Variants in SOCS7 observed in about 807,000 individuals in gnomAD.
SOCS7 encodes NAP-4.
Under a neutral mutation model 58.9 loss-of-function variants are expected in SOCS7, and 18 were observed. That is an observed-to-expected ratio of 0.31 (90% CI 0.21 to 0.45). The LOEUF (loss-of-function observed/expected upper bound fraction) is 0.45, where lower values mean the gene tolerates loss of function less well. Among genes scored for constraint, SOCS7 ranks in the 20% least tolerant of loss-of-function variants. SOCS7 has a pLI of 1.00. For synonymous variants in SOCS7, 388 were observed against 364.3 expected, an observed-to-expected ratio of 1.06 and a Z score of -0.74; for missense variants, 667 against 837.3, an observed-to-expected ratio of 0.80 and a Z score of 2.51.
intron 5 of SOCS7, among the ~76,000 whole-genome samples, 153 bp downstream of exon 5, chr17:38,366,570 C>G (rs1555568388): frequency 6.6e-6 from 1 of 152,228 alleles, no homozygotes; most frequent in Non-Finnish European, 1.5e-5. Flanking sequence ...TCATAGCTCA[C>G]TGTAGGCTCA....
At chr17:38,398,889 G>T (rs1056075752) in intron 9 of SOCS7, among the ~76,000 whole-genome samples, 33 of 152,126 alleles carry the variant, frequency 2.2e-4, no homozygotes, top group Admixed American at 1.3e-3. Context: ...TCAGGAGTTT[G>T]AGACCAGCCT....
At chr17:38,397,290 C>T (rs929557991) in intron 9 of SOCS7, among the ~76,000 whole-genome samples, 8 of 152,230 alleles carry the variant, frequency 5.3e-5, no homozygotes, top group African/African-American at 7.2e-5. Flanking sequence ...TTCAGCATTA[C>T]GCTTATTCTT....
chr17:38,370,749 C>G (rs2037852658), intron 6 of SOCS7, among the ~76,000 whole-genome samples: 1 of 150,994 alleles, frequency 6.6e-6, no homozygotes, highest in Non-Finnish European at 1.5e-5. Flanking sequence ...CTTCCAGGTT[C>G]GAGCTATTCT....
In SOCS7 at chr17:38,387,133, G is replaced by GTGTATATATATA. The variant is rs1269515665; in HGVS notation, c.1682-8175_1682-8174insGTATATATATAT. 2.1e-3 allele frequency among the ~76,000 whole-genome samples: 151 copies of GTGTATATATATA among 73,480 alleles called. 11 individuals are homozygous for GTGTATATATATA. Among genetic ancestry groups the GTGTATATATATA allele is most frequent in the African/African-American group, 0.01 (149 of 14,276 alleles). The allele number at this position is 73,480 out of a possible 152,430, so 48.2% of individuals were successfully genotyped here. A position where few individuals can be genotyped will look rare whatever the true frequency, so the allele number is the denominator to read the frequency against. ...TATATATATATATATATATATGTAT[G>GTGTATATATATA]TATATATATATATATATATGATTAA... On this transcript the variant is annotated intron_variant, in intron 7 of 9. Transcript: ENST00000612932.
chr17:38,404,147 CAA>C lies in SOCS7; in HGVS notation c.*4667_*4668del, dbSNP rs2038359291. 1 of 152,082 alleles carries C rather than the reference CAA, an allele frequency of 6.6e-6. No individual in the cohort carries two copies. The highest frequency in any genetic ancestry group is 2.1e-4 in the South Asian group (1 of 4,818). The allele number at this position is 152,082 out of a possible 1,614,324, so 9.4% of individuals were successfully genotyped here. A position where few individuals can be genotyped will look rare whatever the true frequency, so the allele number is the denominator to read the frequency against. On this transcript the variant is annotated 3_prime_UTR_variant, in exon 10 of 10. Transcript: ENST00000612932. ...TTGGAGGCCTTGATAAAATGGAGAG[CAA>C]AGTCTTGGGAGCAGTGAAATGGGGG...
intron 4 of SOCS7, chr17:38,365,832 G>A (rs1555568236): frequency 1.2e-5 from 3 of 244,538 alleles, no homozygotes; most frequent in Admixed American, 1.2e-4. Context: ...GCCCATACCT[G>A]CTTTGCCAGC....
intron 7 of SOCS7, among the ~76,000 whole-genome samples, chr17:38,380,835 G>A (rs1228589346): frequency 6.6e-6 from 1 of 151,676 alleles, no homozygotes; most frequent in Admixed American, 6.6e-5. Context: ...CTTCAGTCTG[G>A]GTGACAGAGG....
intron 7 of SOCS7, among the ~76,000 whole-genome samples, chr17:38,383,518 C>A (rs1391524295): frequency 2.0e-5 from 3 of 152,086 alleles, no homozygotes; most frequent in Non-Finnish European, 4.4e-5. Context: ...TCTTACCTGT[C>A]TGATTGCCAG....
At chr17:38,389,900 C>CATAAATAT in intron 7 of SOCS7, among the ~76,000 whole-genome samples, 1 of 20,184 alleles carries the variant, frequency 5.0e-5, no homozygotes, top group Non-Finnish European at 9.8e-5. Flanking sequence ...TATATATATA[C>CATAAATAT]ACATATAGAG....
intron 7 of SOCS7, among the ~76,000 whole-genome samples, chr17:38,387,121 A>ATGTGTGTG (rs2038082379): frequency 8.2e-5 from 9 of 109,476 alleles, no homozygotes; most frequent in South Asian, 2.7e-4. Context: ...ATATATATAT[A>ATGTGTGTG]TATATATGTA....
At chr17:38,372,425 G>A (rs180942198) in intron 6 of SOCS7, among the ~76,000 whole-genome samples, 54 of 152,336 alleles carry the variant, frequency 3.5e-4, no homozygotes, top group Admixed American at 7.2e-4. Flanking sequence ...GTTACATACT[G>A]GGTGTACTAC....
intron 9 of SOCS7, among the ~76,000 whole-genome samples, chr17:38,396,482 A>AT (rs1597715512): frequency 6.6e-6 from 1 of 152,336 alleles, no homozygotes; most frequent in African/African-American, 2.4e-5. Flanking sequence ...AGACTCCACC[A>AT]TGTCCCACAG....
rs1296810887 is a variant in SOCS7 at position 38,354,381 on chromosome 17, TC to T, written c.980+1351del. 5.3e-5 allele frequency among the ~76,000 whole-genome samples: 8 copies of T among 152,320 alleles called. No individual in the cohort carries two copies. In the South Asian group the frequency reaches 1.7e-3, roughly 32 times the overall value. ...AACTTTTTAAAAGCTCCCCAGTTGA[TC>T]CTGAACTGGGAACCACTCATCCATA... On this transcript the variant is annotated intron_variant, in intron 1 of 9. Transcript: ENST00000612932.
At chr17:38,389,904 T>C (rs868000445) in intron 7 of SOCS7, among the ~76,000 whole-genome samples, 1 of 111,530 alleles carries the variant, frequency 9.0e-6, no homozygotes, top group Non-Finnish European at 1.7e-5. Flanking sequence ...TATATACACA[T>C]ATAGAGAGAG....
In SOCS7 at chr17:38,402,764, T is replaced by TC. The variant is rs2038338682; in HGVS notation, c.*3283dup. 1 of 152,180 alleles carries TC rather than the reference T, an allele frequency of 6.6e-6. No homozygotes were observed. Among genetic ancestry groups the TC allele is most frequent in the Admixed American group, 6.6e-5 (1 of 15,266 alleles). The allele number at this position is 152,180 out of a possible 1,614,324, so 9.4% of individuals were successfully genotyped here. A position where few individuals can be genotyped will look rare whatever the true frequency, so the allele number is the denominator to read the frequency against. On this transcript the variant is annotated 3_prime_UTR_variant, in exon 10 of 10. Transcript: ENST00000612932. ...AAATAATTTCTTTCTGGTTGTATTT[T>TC]CAAGTCACAAATTGGAAAAGGCTTA...
intron 1 of SOCS7, among the ~76,000 whole-genome samples, chr17:38,355,426 C>G (rs1362688457): frequency 2.0e-5 from 3 of 152,126 alleles, no homozygotes; most frequent in African/African-American, 7.2e-5. Context: ...TACTATGTGC[C>G]AGTCTTGCTG....
At chr17:38,366,918 G>A (rs2037797376) in intron 5 of SOCS7, among the ~76,000 whole-genome samples, 2 of 152,208 alleles carry the variant, frequency 1.3e-5, no homozygotes, top group South Asian at 4.1e-4. Context: ...AAAAAATTTG[G>A]ACATGATAAA....
At position 38,401,436 on chromosome 17, in the gene SOCS7, T is replaced by TA; in HGVS notation, c.*1955dup. ...TCTGTTGAGATCCTTGGGTGGCTGA[T>TA]ATACAGCCTGGGATCTTTCTTTTTT... On this transcript the variant is annotated 3_prime_UTR_variant, in exon 10 of 10. Transcript: ENST00000612932. The TA allele has an allele frequency of 6.6e-6, 1 of 152,116 alleles. No homozygotes were observed. The highest frequency in any genetic ancestry group is 1.5e-5 in the Non-Finnish European group (1 of 68,026). The allele number at this position is 152,116 out of a possible 1,614,324, so 9.4% of individuals were successfully genotyped here.
At chr17:38,377,874 T>G in intron 7 of SOCS7, 32 bp downstream of exon 7, 1 of 1,600,526 alleles carries the variant, frequency 6.2e-7, no homozygotes, top group Non-Finnish European at 8.5e-7. Context: ...TTATTTAACT[T>G]AAGTTGGGTA....
Sources: gnomAD v4.1 joint callset for allele counts (sites outside exome capture counted in the v4.1 genomes callset) on GRCh38, gnomAD v4.1.1 for gene constraint, MANE v1.5 for transcripts, NCBI Gene and HGNC (gene_info 2026-07-23, HGNC 2026-07-21) for gene names.